The following CALN1 variants were observed in gnomAD, a reference collection of about 807,000 sequenced individuals.
CALN1 encodes the protein calcium-binding protein 8.
CALN1 carries 17 observed loss-of-function variants against 30.6 expected under a neutral mutation model. That is an observed-to-expected ratio of 0.56 (90% CI 0.38 to 0.83). The LOEUF (loss-of-function observed/expected upper bound fraction) is 0.83. Ranked by LOEUF, CALN1 falls within the 40% of genes least tolerant of loss-of-function variation. CALN1 has a pLI of 0.00. For missense variants in CALN1, 291 were observed against 354.9 expected (o/e 0.82, Z 1.45); for synonymous variants, 156 against 131.4 (o/e 1.19, Z -1.28).
At chr7:72,456,122 T>C in the CALN1 span, among the ~76,000 whole-genome samples, 1 of 150,392 alleles carries the variant, frequency 6.6e-6, no homozygotes, top group Non-Finnish European at 1.5e-5. Context: ...AGGCAGAGGT[T>C]GCAGTGAGCC....
intron 3 of CALN1, among the ~76,000 whole-genome samples, chr7:72,155,373 T>C (rs1259331040): frequency 3.9e-5 from 6 of 151,910 alleles, no homozygotes; most frequent in African/African-American, 1.4e-4. Flanking sequence ...GTGCCTGTAG[T>C]CCCAGCTACT....
intron 3 of CALN1, among the ~76,000 whole-genome samples, chr7:72,186,885 C>CTTTTTTTTTTTTTTTTTTTTTT (rs34604151): frequency 3.3e-5 from 2 of 61,296 alleles, no homozygotes; most frequent in African/African-American, 6.0e-5. Context: ...GAGTGCAGAG[C>CTTTTTTTTTTTTTTTTTTTTTT]TTTTTTTTTT....
At chr7:72,234,726 G>A (rs945793514) in intron 3 of CALN1, among the ~76,000 whole-genome samples, 3 of 151,998 alleles carry the variant, frequency 2.0e-5, no homozygotes, top group Non-Finnish European at 2.9e-5. Flanking sequence ...GACTACAGGC[G>A]TGAGCCACCG....
intron 2 of CALN1, among the ~76,000 whole-genome samples, chr7:72,288,300 C>T (rs1798237441): frequency 6.6e-6 from 1 of 152,170 alleles, no homozygotes; most frequent in African/African-American, 2.4e-5. Flanking sequence ...GTCTCACTTT[C>T]TTGTGGGTCT....
At chr7:72,443,223 C>T (rs1808414017) in intron 1 of CALN1, among the ~76,000 whole-genome samples, 1 of 152,132 alleles carries the variant, frequency 6.6e-6, no homozygotes, top group Non-Finnish European at 1.5e-5. Context: ...TTTTTGTCTT[C>T]TTCTCTGCCT....
chr7:71,933,207 A>C (rs1220293664), intron 5 of CALN1, among the ~76,000 whole-genome samples: 3 of 152,152 alleles, frequency 2.0e-5, no homozygotes, highest in Non-Finnish European at 4.4e-5. Context: ...TACAGTAAGA[A>C]GACAAGATGG....
chr7:72,400,052 T>C (rs577938835), intron 2 of CALN1, among the ~76,000 whole-genome samples: 1 of 152,308 alleles, frequency 6.6e-6, no homozygotes, highest in South Asian at 2.1e-4. Context: ...CCCCTTCTTG[T>C]ACAGTCTGCA....
intron 4 of CALN1, among the ~76,000 whole-genome samples, chr7:72,025,216 A>G (rs1363379014): frequency 6.6e-6 from 1 of 152,192 alleles, no homozygotes; most frequent in Non-Finnish European, 1.5e-5. Flanking sequence ...AGGCTGAGGC[A>G]GGAGAATCGC....
At chr7:71,830,491 G>A (rs1358687062) in intron 5 of CALN1, among the ~76,000 whole-genome samples, 1 of 151,988 alleles carries the variant, frequency 6.6e-6, no homozygotes, top group Non-Finnish European at 1.5e-5. Flanking sequence ...GGAAGTACAG[G>A]TGCCCACCAC....
At chr7:72,346,241 A>G (rs1240486348) in intron 2 of CALN1, among the ~76,000 whole-genome samples, 1 of 152,188 alleles carries the variant, frequency 6.6e-6, no homozygotes, top group Non-Finnish European at 1.5e-5. Context: ...CAAAAGGTCA[A>G]TTGCGCAAAA....
At chr7:72,023,812 C>G in intron 4 of CALN1, 43 bp from the exon 5 acceptor site, 1 of 1,450,184 alleles carries the variant, frequency 6.9e-7, no homozygotes, top group Non-Finnish European at 9.7e-7. Context: ...ACAAGCTGAA[C>G]TTGACCTACC....
At chr7:72,287,199 CTCTAT>C (rs1303459892) in intron 2 of CALN1, among the ~76,000 whole-genome samples, 2 of 152,052 alleles carry the variant, frequency 1.3e-5, no homozygotes, top group African/African-American at 2.4e-5. Context: ...TTACCACCTA[CTCTAT>C]TCTTTCACTT....
chr7:72,286,867 T>G (rs1798114960), intron 2 of CALN1, among the ~76,000 whole-genome samples: 1 of 152,336 alleles, frequency 6.6e-6, no homozygotes, highest in South Asian at 2.1e-4. Flanking sequence ...AGGACAATTT[T>G]ACAAACTTTA....
chr7:72,354,075 T>C (rs925828274), intron 2 of CALN1, among the ~76,000 whole-genome samples: 4 of 152,046 alleles, frequency 2.6e-5, no homozygotes, highest in African/African-American at 4.8e-5. Flanking sequence ...TAATCCCAGC[T>C]ACTCGGGAGG....
intron 1 of CALN1, among the ~76,000 whole-genome samples, chr7:72,433,224 A>G (rs1808033585): frequency 1.3e-5 from 2 of 152,182 alleles, no homozygotes; most frequent in South Asian, 4.1e-4. Flanking sequence ...ACCAGGTAGC[A>G]GCCTAAAGTG....
At chr7:72,089,618 G>A (rs192876674) in intron 4 of CALN1, among the ~76,000 whole-genome samples, 6 of 152,140 alleles carry the variant, frequency 3.9e-5, no homozygotes, top group South Asian at 2.1e-4. Flanking sequence ...AATTGTGAAC[G>A]GTCCCAGTGA....
chr7:71,950,214 G>T (rs375520462), intron 5 of CALN1, among the ~76,000 whole-genome samples: 1 of 152,118 alleles, frequency 6.6e-6, no homozygotes, highest in African/African-American at 2.4e-5. Flanking sequence ...GAGGAGAATT[G>T]CTCACAGTTG....
At chr7:72,363,561 C>T (rs1373047319) in intron 2 of CALN1, among the ~76,000 whole-genome samples, 1 of 144,782 alleles carries the variant, frequency 6.9e-6, no homozygotes, top group African/African-American at 2.7e-5. Flanking sequence ...GACAAATGCA[C>T]ATAAACTTAC....
At chr7:72,314,842 A>G (rs1393785085) in intron 2 of CALN1, among the ~76,000 whole-genome samples, 1 of 151,110 alleles carries the variant, frequency 6.6e-6, no homozygotes, top group East Asian at 1.9e-4. Flanking sequence ...TTTTGTTAAA[A>G]AAAAAAAAAC....
Sources: gnomAD v4.1 joint callset for allele counts (sites outside exome capture counted in the v4.1 genomes callset) on GRCh38, gnomAD v4.1.1 for gene constraint, MANE v1.5 for transcripts, NCBI Gene and HGNC (gene_info 2026-07-23, HGNC 2026-07-21) for gene names.